The following TACC2 variants were observed in gnomAD, a reference collection of about 807,000 sequenced individuals.
The protein encoded by TACC2 is transforming acidic coiled-coil containing protein 2, also known as transforming acidic coiled-coil-containing protein 2.
TACC2 carries 137 observed loss-of-function variants against 227.3 expected under a neutral mutation model. The observed-to-expected ratio is 0.60, with a 90% CI of 0.52 to 0.69. The LOEUF (loss-of-function observed/expected upper bound fraction) is 0.69. TACC2 is among the 30% of genes least tolerant of loss of function. The pLI is 0.00. For missense variants in TACC2, 3,470 were observed against 3,694.4 expected, an observed-to-expected ratio of 0.94 and a Z score of 1.57; for synonymous variants, 1,523 against 1,487.5, an observed-to-expected ratio of 1.02 and a Z score of -0.55.
chr10:122,113,826 A>AAG lies in TACC2; in HGVS notation c.5574-18783_5574-18782insAG, dbSNP rs2084112575. The stretch of plus-strand genomic sequence containing the variant: ...TCCGGCGCAACACGTGACCCGCCCG[A>AAG]GCGTCCCCTCCGCGTCCTTGGCTCC... On this transcript the variant is annotated intron_variant, in intron 5 of 22. Coordinates refer to ENST00000369005, the MANE Select transcript of TACC2 (RefSeq NM_206862.4). Among the ~76,000 whole-genome samples the AAG allele has an allele frequency of 2.8e-4, 42 of 152,328 alleles. No individual in the cohort carries two copies. In the South Asian group the frequency reaches 8.7e-3, roughly 32 times the overall value.
chr10:122,066,321 T>C (rs1404872707), intron 3 of TACC2, among the ~76,000 whole-genome samples: 1 of 149,552 alleles, frequency 6.7e-6, no homozygotes, highest in East Asian at 2.0e-4. Flanking sequence ...CAGGCTGGAG[T>C]ACAGTGGCAC....
chr10:122,020,911 A>G (rs1957251453), intron 1 of TACC2, among the ~76,000 whole-genome samples: 1 of 152,144 alleles, frequency 6.6e-6, no homozygotes. Flanking sequence ...TTCTCTGTGA[A>G]CTGTGTGGGA....
chr10:122,011,420 C>G (rs1236495729), intron 1 of TACC2, among the ~76,000 whole-genome samples: 3 of 152,176 alleles, frequency 2.0e-5, no homozygotes, highest in Non-Finnish European at 4.4e-5. Context: ...ACCTCCACTT[C>G]CCGGGTTCAA....
chr10:122,195,414 T>C (rs569629471), intron 8 of TACC2, among the ~76,000 whole-genome samples: 1 of 152,304 alleles, frequency 6.6e-6, no homozygotes, highest in Admixed American at 6.5e-5. Flanking sequence ...AGATTGGGTT[T>C]GGAGGAGGGC....
chr10:122,051,237 A>G (rs564961681), intron 3 of TACC2: 16 of 152,408 alleles, frequency 1.0e-4, no homozygotes, highest in Middle Eastern at 6.8e-3. Flanking sequence ...TTTTTAGTAG[A>G]GACGGGATTT....
At chr10:122,097,931 G>T (rs2081645384) in intron 5 of TACC2, among the ~76,000 whole-genome samples, 1 of 152,152 alleles carries the variant, frequency 6.6e-6, no homozygotes, top group Non-Finnish European at 1.5e-5. Flanking sequence ...CAGGCACTTG[G>T]AAGGAGAAGC....
In TACC2 at chr10:122,084,057, C is replaced by T; in HGVS notation, c.1557C>T (p.Pro519=). ...CAGGAGTACCACCCCCTCCTCTTCC[C>T]AAGGAGCAAAGCCATGAGGTCCAAC... ...VQPGVPPPPL[P]KEQSHEVQPG... The change falls in exon 4 of 23, where the codon CCC becomes CCT. Residue 519 remains proline, a synonymous_variant. Coordinates refer to ENST00000369005, the MANE Select transcript of TACC2 (RefSeq NM_206862.4). 6.2e-7 allele frequency: 1 copy of T among 1,614,094 alleles called. No homozygotes were observed. Among genetic ancestry groups the T allele is most frequent in the East Asian group, 2.2e-5 (1 of 44,862 alleles).
chr10:122,208,762 C>T (rs895373554), intron 8 of TACC2, among the ~76,000 whole-genome samples: 5 of 152,222 alleles, frequency 3.3e-5, no homozygotes, highest in African/African-American at 1.2e-4. Context: ...ACACCTGTCA[C>T]GAGGCACACA....
chr10:122,130,198 G>C (rs190240470), intron 5 of TACC2, among the ~76,000 whole-genome samples: 188 of 152,254 alleles, frequency 1.2e-3, no homozygotes, highest in Non-Finnish European at 2.3e-3. Flanking sequence ...TTTTCACCAT[G>C]TTGGCCAGGC....
intron 5 of TACC2, among the ~76,000 whole-genome samples, chr10:122,091,254 G>GAA (rs58673621): frequency 2.3e-4 from 35 of 150,068 alleles, no homozygotes; most frequent in South Asian, 8.4e-4. Context: ...AATTTAGTAT[G>GAA]AAAAAAAAAG....
At chr10:122,181,795 C>T (rs1052376692) in intron 7 of TACC2, among the ~76,000 whole-genome samples, 4 of 152,150 alleles carry the variant, frequency 2.6e-5, no homozygotes, top group South Asian at 4.1e-4. Flanking sequence ...GTGAAAACAT[C>T]GGAAGCAGGA....
At chr10:122,032,493 A>C (rs1020048962) in intron 2 of TACC2, among the ~76,000 whole-genome samples, 2 of 152,174 alleles carry the variant, frequency 1.3e-5, no homozygotes, top group Non-Finnish European at 2.9e-5. Flanking sequence ...AAGACCAGGC[A>C]TTGAGGAGCA....
Position 122,084,178 on chromosome 10 carries a change from A to G in TACC2, c.1678A>G (p.Thr560Ala), listed in dbSNP as rs775312857. ...TGGAGCCAAGGTCCATGAAGATTCC[A>G]CAAGCCCAGCCGTGGCTAAAGAAGG... ...TDGAKVHEDS[T>A]SPAVAKEGSR... The change falls in exon 4 of 23, where the codon ACA becomes GCA. Residue 560 changes from threonine (T) to alanine (A), a missense_variant. Physicochemically the swap from Thr to Ala is moderately conservative, Grantham distance 58. Transcript: ENST00000369005. 1.2e-6 allele frequency: 2 copies of G among 1,614,076 alleles called. No individual in the cohort carries two copies. Among genetic ancestry groups the G allele is most frequent in the Non-Finnish European group, 1.7e-6 (2 of 1,180,042 alleles).
intron 14 of TACC2, among the ~76,000 whole-genome samples, chr10:122,228,293 G>A (rs1226582212): frequency 6.6e-6 from 1 of 152,212 alleles, no homozygotes; most frequent in African/African-American, 2.4e-5. Flanking sequence ...CTAGACTGTT[G>A]CTTTAGGGCA....
At chr10:122,048,811 G>T (rs115974352) in intron 2 of TACC2, among the ~76,000 whole-genome samples, 140 of 152,304 alleles carry the variant, frequency 9.2e-4, no homozygotes, top group Middle Eastern at 3.4e-3. Flanking sequence ...ATTTAAGCAA[G>T]GTAGAAAGAA....
chr10:122,088,426 A>T, intron 4 of TACC2, 52 bp from the exon 5 acceptor site: 1 of 1,489,052 alleles, frequency 6.7e-7, no homozygotes, highest in Non-Finnish European at 9.0e-7. Context: ...CATGAGGAGA[A>T]ATGCCTTACT....
chr10:122,084,244 G>A lies in TACC2; in HGVS notation c.1744G>A (p.Ala582Thr). 1.2e-6 allele frequency: 2 copies of A among 1,614,076 alleles called. No individual in the cohort carries two copies. Among genetic ancestry groups the A allele is most frequent in the Non-Finnish European group, 1.7e-6 (2 of 1,180,034 alleles). ...TGACAGCCCTGGAGGAAAGGAGGAA[G>A]CCCCAGAGCCACCTGATGGTGGAGA... ...PGDSPGGKEEAPEPPDGGDPG... is the reference protein window; with the variant it reads ...PGDSPGGKEETPEPPDGGDPG... Residue 582 changes from alanine to threonine, a missense_variant, in exon 4 of 23, where the codon GCC becomes ACC. Coordinates refer to ENST00000369005, the MANE Select transcript of TACC2 (RefSeq NM_206862.4).
chr10:122,225,121 T>G (rs1350526193), intron 12 of TACC2, among the ~76,000 whole-genome samples: 1 of 152,190 alleles, frequency 6.6e-6, no homozygotes, highest in African/African-American at 2.4e-5. Flanking sequence ...TAGCTGTTTT[T>G]GAGAAATTGT....
intron 1 of TACC2, among the ~76,000 whole-genome samples, chr10:122,021,215 T>C (rs1957297378): frequency 1.4e-5 from 2 of 142,282 alleles, no homozygotes; most frequent in South Asian, 4.6e-4. Flanking sequence ...GGCGACAGAG[T>C]GAGACTCCAT....
Sources: gnomAD v4.1 joint callset for allele counts (sites outside exome capture counted in the v4.1 genomes callset) on GRCh38, gnomAD v4.1.1 for gene constraint, MANE v1.5 for transcripts, NCBI Gene and HGNC (gene_info 2026-07-23, HGNC 2026-07-21) for gene names.